LTBP1: variants seen among roughly 807,000 people sequenced by gnomAD.
LTBP1 encodes the protein latent transforming growth factor beta binding protein 1.
LTBP1 carries 129 observed loss-of-function variants against 207.6 expected under a neutral mutation model. That is an observed-to-expected ratio of 0.62 (90% CI 0.54 to 0.72). The LOEUF is 0.72. LTBP1 is among the 30% of genes least tolerant of loss of function. The pLI is 0.00. For synonymous variants in LTBP1, 963 were observed against 833.7 expected, an observed-to-expected ratio of 1.16 and a Z score of -2.67; for missense variants, 2,281 against 2,217.2, an observed-to-expected ratio of 1.03 and a Z score of -0.58.
intron 7 of LTBP1, among the ~76,000 whole-genome samples, chr2:33,199,638 G>A (rs1444348003): frequency 2.6e-5 from 4 of 152,188 alleles, no homozygotes; most frequent in Non-Finnish European, 5.9e-5. Flanking sequence ...AATTAGGCAG[G>A]AGAAGGAAAT....
intron 19 of LTBP1, among the ~76,000 whole-genome samples, chr2:33,288,917 T>C (rs570392290): frequency 2.6e-5 from 4 of 151,762 alleles, no homozygotes; most frequent in Middle Eastern, 3.5e-3. Flanking sequence ...ACCACTGAGC[T>C]TCATGTTAAT....
At chr2:33,098,158 C>A (rs978286302) in intron 3 of LTBP1, among the ~76,000 whole-genome samples, 9 of 152,276 alleles carry the variant, frequency 5.9e-5, no homozygotes, top group Middle Eastern at 3.4e-3. Flanking sequence ...AAGGTGAGTG[C>A]AAATGTAATC....
intron 24 of LTBP1, 90 bp downstream of exon 24, chr2:33,315,359 G>A (rs2094253919): frequency 4.0e-6 from 6 of 1,501,452 alleles, no homozygotes; most frequent in South Asian, 1.2e-5. Flanking sequence ...GACACTAAGA[G>A]GTACTGCATA....
At position 32,992,637 on chromosome 2, in the gene LTBP1, C is replaced by T. The variant is rs145707986; in HGVS notation, c.566-28272C>T. Among the ~76,000 whole-genome samples, 666 of 152,266 alleles carry T rather than the reference C, an allele frequency of 4.4e-3. 8 individuals are homozygous for T. The highest frequency in any genetic ancestry group is 0.015 in the African/African-American group (619 of 41,544). ...TCCAAGTATTGCCACAGAGCTTCGG[C>T]ATCTTAGTCTGAAAATGGAGATTTG... is the stretch of plus-strand genomic sequence containing the variant. On this transcript the variant is annotated intron_variant, in intron 2 of 33. Transcript: ENST00000404816.
rs112488697 is a variant in LTBP1 at position 33,059,653 on chromosome 2, A to G, written c.863+38447A>G. Among the ~76,000 whole-genome samples, 1,061 of 152,350 alleles carry G rather than the reference A, an allele frequency of 7.0e-3. 10 individuals carry two copies. The highest frequency in any genetic ancestry group is 0.023 in the African/African-American group (945 of 41,586). On this transcript the variant is annotated intron_variant, in intron 3 of 33. Coordinates refer to ENST00000404816, the MANE Select transcript of LTBP1 (RefSeq NM_206943.4). ...GGTGGAAATACAGGGGGTCAGATTC[A>G]GTTACAGATACATACATGTTCAAAT...
chr2:33,028,174 C>T (rs1035704967), intron 3 of LTBP1, among the ~76,000 whole-genome samples: 4 of 152,136 alleles, frequency 2.6e-5, no homozygotes, highest in African/African-American at 9.7e-5. Flanking sequence ...CACTTCTGCT[C>T]ACACCGCTGG....
In LTBP1 at chr2:33,365,466, G is replaced by A; in HGVS notation, c.4674G>A (p.Trp1558Ter). Residue 1558 changes from tryptophan to a stop codon, truncating the protein, a stop_gained, in exon 31 of 34, where the codon TGG (tryptophan) becomes TGA (stop). Coordinates refer to ENST00000404816, the MANE Select transcript of LTBP1 (RefSeq NM_206943.4). LOFTEE classifies it high-confidence loss of function. Reference sequence around the variant, plus strand: ...GCTGCTGTCTGTATGGAGAGGCCTGGGGCATGCAGTGTGCCCTCTGCCCCC... The same window carrying A: ...GCTGCTGTCTGTATGGAGAGGCCTGAGGCATGCAGTGTGCCCTCTGCCCCC... ...TECCCLYGEA[W>*]GMQCALCPLK... The A allele has an allele frequency of 6.2e-7, 1 of 1,614,106 alleles. No homozygotes were observed. The highest frequency in any genetic ancestry group is 8.5e-7 in the Non-Finnish European group (1 of 1,179,986).
chr2:33,333,723 G>T (rs1376319433), intron 24 of LTBP1, among the ~76,000 whole-genome samples: 2 of 152,152 alleles, frequency 1.3e-5, no homozygotes, highest in African/African-American at 4.8e-5. Flanking sequence ...ATCCATGTGG[G>T]TGTGTCCCAT....
chr2:32,982,017 A>G (rs1009502340), intron 2 of LTBP1, among the ~76,000 whole-genome samples: 12 of 152,220 alleles, frequency 7.9e-5, no homozygotes, highest in Non-Finnish European at 1.5e-4. Context: ...TGTGGAAGCA[A>G]CTTTGGAATT....
chr2:33,316,968 A>T (rs566579032), intron 24 of LTBP1, among the ~76,000 whole-genome samples: 4 of 152,214 alleles, frequency 2.6e-5, no homozygotes, highest in African/African-American at 9.7e-5. Context: ...GCAAAATTAT[A>T]TTCAGAAAAA....
chr2:33,152,662 C>G (rs902172587), intron 5 of LTBP1, among the ~76,000 whole-genome samples: 2 of 152,148 alleles, frequency 1.3e-5, no homozygotes, highest in African/African-American at 4.8e-5. Flanking sequence ...GAAGTGGTGT[C>G]TCATAGTTTT....
intron 3 of LTBP1, among the ~76,000 whole-genome samples, chr2:33,069,186 T>G (rs188604079): frequency 2.0e-5 from 3 of 152,254 alleles, no homozygotes; most frequent in African/African-American, 7.2e-5. Flanking sequence ...TAGGTATCCC[T>G]GGTACCCTGA....
intron 2 of LTBP1, among the ~76,000 whole-genome samples, chr2:33,006,490 C>T (rs1460399148): frequency 6.7e-6 from 1 of 149,104 alleles, no homozygotes; most frequent in Non-Finnish European, 1.5e-5. Context: ...TCAAGTGATT[C>T]TCCTGCTTCA....
chr2:32,950,091 G>A (rs538228804), intron 2 of LTBP1, among the ~76,000 whole-genome samples: 9 of 152,266 alleles, frequency 5.9e-5, no homozygotes, highest in African/African-American at 1.9e-4. Flanking sequence ...TGTCAGAAAT[G>A]TGTTAGCATT....
chr2:33,280,527 C>G (rs1449560893), intron 19 of LTBP1, among the ~76,000 whole-genome samples: 1 of 152,086 alleles, frequency 6.6e-6, no homozygotes, highest in Non-Finnish European at 1.5e-5. Flanking sequence ...CACACACACA[C>G]AAATTTTCAA....
At chr2:33,014,686 T>G (rs1486810248) in intron 2 of LTBP1, among the ~76,000 whole-genome samples, 1 of 152,214 alleles carries the variant, frequency 6.6e-6, no homozygotes, top group Non-Finnish European at 1.5e-5. Flanking sequence ...AAGCTGAGCT[T>G]CAGGGCATGG....
chr2:33,179,556 T>G (rs919780094), intron 5 of LTBP1, among the ~76,000 whole-genome samples: 1 of 152,124 alleles, frequency 6.6e-6, no homozygotes, highest in Admixed American at 6.5e-5. Context: ...GTCTTTTGCA[T>G]GTACTATGGA....
intron 31 of LTBP1, among the ~76,000 whole-genome samples, chr2:33,380,349 G>A (rs1451349290): frequency 2.6e-5 from 4 of 151,806 alleles, no homozygotes; most frequent in South Asian, 2.1e-4. Context: ...GGTCAAAGCG[G>A]GTGGATCACC....
chr2:32,968,595 G>A (rs1333645326), intron 2 of LTBP1, among the ~76,000 whole-genome samples: 1 of 152,014 alleles, frequency 6.6e-6, no homozygotes, highest in African/African-American at 2.4e-5. Context: ...CTTTTAATGG[G>A]TGTATTGAGA....
Sources: gnomAD v4.1 joint callset for allele counts (sites outside exome capture counted in the v4.1 genomes callset) on GRCh38, gnomAD v4.1.1 for gene constraint, MANE v1.5 for transcripts, NCBI Gene and HGNC (gene_info 2026-07-23, HGNC 2026-07-21) for gene names.